The following AGMO variants were observed in gnomAD, a reference collection of about 807,000 sequenced individuals.
AGMO encodes the protein glyceryl-ether monooxygenase.
In AGMO, 75 loss-of-function variants were observed where a neutral mutation model predicts 60.2. The ratio of observed to expected loss-of-function variants is 1.25; its 90% CI spans 1.03 to 1.51. The LOEUF is 1.51. Ranked by LOEUF, AGMO falls within the 40% of genes most tolerant of loss-of-function variation. The pLI, the probability that AGMO is intolerant of heterozygous loss-of-function variation, is 0.00. For missense variants in AGMO, 763 were observed against 525.5 expected, an observed-to-expected ratio of 1.45 and a Z score of -4.42; for synonymous variants, 261 against 177.1, an observed-to-expected ratio of 1.47 and a Z score of -3.76.
chr7:15,539,541 T>C (rs905075886), intron 3 of AGMO, among the ~76,000 whole-genome samples: 1 of 152,306 alleles, frequency 6.6e-6, no homozygotes, highest in African/African-American at 2.4e-5. Flanking sequence ...CAGTCTACCA[T>C]TGGTGGGCAT....
chr7:15,434,842 G>C (rs372087468), intron 3 of AGMO, among the ~76,000 whole-genome samples: 4 of 151,872 alleles, frequency 2.6e-5, no homozygotes, highest in East Asian at 1.9e-4. Context: ...TAATGCAGTC[G>C]TCAAAAATCC....
chr7:15,117,719 C>A, the AGMO span, among the ~76,000 whole-genome samples: 4 of 151,920 alleles, frequency 2.6e-5, no homozygotes, highest in African/African-American at 4.8e-5. Flanking sequence ...GAAATGTCCA[C>A]ATGGCCGCAT....
intron 3 of AGMO, among the ~76,000 whole-genome samples, chr7:15,529,609 TATATATATAGAA>T: frequency 1.2e-4 from 2 of 16,144 alleles, no homozygotes; most frequent in African/African-American, 5.9e-4. Context: ...ATATATAGAG[TATATATATAGAA>T]TATATATATA....
chr7:15,227,633 C>T (rs1159735114), intron 12 of AGMO, among the ~76,000 whole-genome samples: 3 of 151,948 alleles, frequency 2.0e-5, no homozygotes, highest in African/African-American at 7.2e-5. Context: ...AGGATGCTGA[C>T]ATTATGGCTG....
At chr7:15,141,452 G>A in the AGMO span, among the ~76,000 whole-genome samples, 6 of 152,066 alleles carry the variant, frequency 3.9e-5, no homozygotes, top group South Asian at 2.1e-4. Context: ...GTGTGGTGGC[G>A]GGCGCCTGTA....
intron 2 of AGMO, among the ~76,000 whole-genome samples, chr7:15,549,278 C>T (rs1255869344): frequency 1.4e-5 from 2 of 147,092 alleles, no homozygotes; most frequent in Non-Finnish European, 1.5e-5. Flanking sequence ...AAATCACCAG[C>T]TAACATCATA....
chr7:15,373,643 G>A (rs1217028336), intron 10 of AGMO, among the ~76,000 whole-genome samples: 1 of 152,056 alleles, frequency 6.6e-6, no homozygotes, highest in African/African-American at 2.4e-5. Flanking sequence ...ACCTCACAAA[G>A]GAGGTATCAA....
the AGMO span, among the ~76,000 whole-genome samples, chr7:15,183,892 G>T: frequency 6.6e-6 from 1 of 152,078 alleles, no homozygotes; most frequent in Non-Finnish European, 1.5e-5. Flanking sequence ...TAATAATTGT[G>T]GTTTGTTAAA....
At chr7:15,435,216 C>T (rs1781366553) in intron 3 of AGMO, among the ~76,000 whole-genome samples, 3 of 151,810 alleles carry the variant, frequency 2.0e-5, no homozygotes, top group East Asian at 1.9e-4. Context: ...TTTTATTTCA[C>T]GTGGGTAAAT....
chr7:15,340,887 C>T (rs541072858), intron 12 of AGMO, among the ~76,000 whole-genome samples: 303 of 152,202 alleles, frequency 2.0e-3, no homozygotes, highest in Middle Eastern at 6.8e-3. Flanking sequence ...CCACCGTTCT[C>T]GAGACCGCAG....
chr7:15,268,417 T>C (rs1783496777), intron 12 of AGMO, among the ~76,000 whole-genome samples: 1 of 152,016 alleles, frequency 6.6e-6, no homozygotes, highest in South Asian at 2.1e-4. Context: ...TTGGAGTCTG[T>C]GCAGATTGAA....
intron 2 of AGMO, among the ~76,000 whole-genome samples, chr7:15,558,326 G>A (rs1381722189): frequency 1.3e-5 from 2 of 151,808 alleles, no homozygotes; most frequent in Non-Finnish European, 2.9e-5. Context: ...TAAAATATAT[G>A]ACCCATAATC....
At chr7:15,305,480 T>C (rs573880050) in intron 12 of AGMO, among the ~76,000 whole-genome samples, 3 of 152,140 alleles carry the variant, frequency 2.0e-5, no homozygotes, top group East Asian at 1.9e-4. Flanking sequence ...TCTTTTCACC[T>C]GGCAAAATGA....
chr7:15,355,434 TGGAGC>T (rs1340372944), intron 12 of AGMO, among the ~76,000 whole-genome samples: 89 of 131,412 alleles, frequency 6.8e-4, no homozygotes, highest in Non-Finnish European at 1.4e-4. Context: ...ACCTGGGAGG[TGGAGC>T]TTGCAGTGAG....
chr7:15,351,338 A>G (rs180848969), intron 12 of AGMO, among the ~76,000 whole-genome samples: 29 of 152,210 alleles, frequency 1.9e-4, no homozygotes, highest in Middle Eastern at 6.8e-3. Flanking sequence ...AAGACTTGAA[A>G]GAGATATAAC....
At chr7:15,394,007 T>A in intron 6 of AGMO, 106 bp downstream of exon 6, 1 of 609,160 alleles carries the variant, frequency 1.6e-6, no homozygotes, top group Middle Eastern at 3.4e-4. Flanking sequence ...ATTTGTAAAA[T>A]GTGTGCTGAC....
intron 12 of AGMO, among the ~76,000 whole-genome samples, chr7:15,206,691 T>C (rs1260973993): frequency 6.6e-6 from 1 of 152,142 alleles, no homozygotes; most frequent in Non-Finnish European, 1.5e-5. Context: ...TGTGTGCTTG[T>C]TGCACACCTT....
chr7:15,354,304 G>A lies in AGMO; in HGVS notation c.1263+11210C>T, dbSNP rs1345468214. On this transcript the variant is annotated intron_variant, in intron 12 of 12. Coordinates refer to ENST00000342526, the MANE Select transcript of AGMO (RefSeq NM_001004320.2). ...TCACGAATGAGATAAATATATATAC[G>A]TGTATACACGCGTGTATATACGTAC... Among the ~76,000 whole-genome samples, 9 of 97,150 alleles carry A rather than the reference G, an allele frequency of 9.3e-5. 1 individual carries two copies. Among genetic ancestry groups the A allele is most frequent in the Non-Finnish European group, 1.5e-4 (8 of 51,884 alleles). 63.7% of individuals were successfully genotyped at this position (97,150 alleles called of 152,430 possible). A position where few individuals can be genotyped will look rare whatever the true frequency, so the allele number is the denominator to read the frequency against.
chr7:15,288,417 G>A (rs1237050750), intron 12 of AGMO, among the ~76,000 whole-genome samples: 1 of 152,024 alleles, frequency 6.6e-6, no homozygotes, highest in Non-Finnish European at 1.5e-5. Flanking sequence ...TTCTTATCAC[G>A]AGGCATTTCT....
Sources: allele counts gnomAD v4.1 joint callset (sites outside exome capture counted in the v4.1 genomes callset), GRCh38; gene constraint gnomAD v4.1.1; transcripts MANE v1.5; gene names NCBI Gene and HGNC (gene_info 2026-07-23, HGNC 2026-07-21).